Variants in UEVLD observed in about 807,000 individuals in gnomAD.
The protein encoded by UEVLD is ubiquitin-conjugating enzyme E2 variant 3.
A neutral mutation model predicts 58.6 loss-of-function variants in UEVLD; 47 were observed. The ratio of observed to expected loss-of-function variants is 0.80; its 90% CI spans 0.63 to 1.02. The LOEUF is 1.02. Ranked by LOEUF, UEVLD falls within the 50% of genes least tolerant of loss-of-function variation. The pLI, the probability that UEVLD is intolerant of heterozygous loss-of-function variation, is 0.00. For synonymous variants in UEVLD, 197 were observed against 195.3 expected, an observed-to-expected ratio of 1.01 and a Z score of -0.07; for missense variants, 510 against 550.6, an observed-to-expected ratio of 0.93 and a Z score of 0.74.
chr11:18,579,454 G>A, intron 1 of UEVLD: 1 of 985,392 alleles, frequency 1.0e-6, no homozygotes, highest in Non-Finnish European at 1.2e-6. Context: ...TGATGAGGCA[G>A]AATGGATCAC....
chr11:18,552,312 A>C (rs921117790), intron 7 of UEVLD, among the ~76,000 whole-genome samples: 2 of 152,210 alleles, frequency 1.3e-5, no homozygotes, highest in Non-Finnish European at 2.9e-5. Context: ...TGGGAGGCCA[A>C]GGCAGGTGGA....
chr11:18,545,361 G>A (rs528195256), intron 8 of UEVLD, among the ~76,000 whole-genome samples: 16 of 151,542 alleles, frequency 1.1e-4, no homozygotes, highest in Non-Finnish European at 2.1e-4. Context: ...GTGAGCCACC[G>A]CGCCCAGCCC....
intron 8 of UEVLD, among the ~76,000 whole-genome samples, chr11:18,545,233 C>T (rs1045609928): frequency 8.6e-5 from 13 of 150,926 alleles, no homozygotes; most frequent in Admixed American, 6.6e-5. Flanking sequence ...CCACCATGCC[C>T]AGTTAATTTT....
At chr11:18,550,705 G>A (rs1174315709) in intron 7 of UEVLD, among the ~76,000 whole-genome samples, 1 of 152,122 alleles carries the variant, frequency 6.6e-6, no homozygotes, top group African/African-American at 2.4e-5. Flanking sequence ...TCACTCTCTT[G>A]TCATGAATAA....
chr11:18,565,128 T>C, intron 5 of UEVLD, 118 bp from the exon 6 acceptor site: 1 of 658,190 alleles, frequency 1.5e-6, no homozygotes, highest in Non-Finnish European at 2.5e-6. Context: ...TGCTAGTCCA[T>C]AATGGGCAAA....
At chr11:18,588,542 A>G (rs1853708860) in intron 1 of UEVLD, 71 bp downstream of exon 1, 3 of 1,564,718 alleles carry the variant, frequency 1.9e-6, no homozygotes, top group Non-Finnish European at 2.6e-6. Flanking sequence ...AACGGAGGCA[A>G]CCTGGCCAAA....
At chr11:18,581,667 G>A (rs1156568112) in intron 1 of UEVLD, among the ~76,000 whole-genome samples, 2 of 143,992 alleles carry the variant, frequency 1.4e-5, no homozygotes, top group African/African-American at 2.6e-5. Context: ...GACAGAGCGA[G>A]ACACTGTCTC....
chr11:18,561,468 G>A (rs542975461), intron 6 of UEVLD, among the ~76,000 whole-genome samples: 5 of 151,810 alleles, frequency 3.3e-5, no homozygotes, highest in South Asian at 4.2e-4. Flanking sequence ...ATGGTGGCAC[G>A]TACCTGTAAT....
At position 18,553,358 on chromosome 11, in the gene UEVLD, C is replaced by T. The variant is rs1233275304; in HGVS notation, c.715+4870G>A. On this transcript the variant is annotated intron_variant, in intron 7 of 11. Transcript: ENST00000396197. ...AAAAAAGAAAAGAAAAAAGAAAATA[C>T]AGTCACTCATATGATGGAATATTAT... Among the ~76,000 whole-genome samples, 7 of 150,924 alleles carry T rather than the reference C, an allele frequency of 4.6e-5. No homozygotes were observed. In the South Asian group the frequency reaches 6.3e-4, roughly 14 times the overall value.
intron 6 of UEVLD, 128 bp from the exon 7 acceptor site, chr11:18,558,458 G>C: frequency 2.1e-6 from 1 of 480,152 alleles, no homozygotes; most frequent in East Asian, 3.3e-5. Context: ...AGAAGAGTAA[G>C]TAACACAATA....
chr11:18,559,233 C>G (rs1679978402), intron 6 of UEVLD, among the ~76,000 whole-genome samples: 1 of 148,662 alleles, frequency 6.7e-6, no homozygotes, highest in South Asian at 2.1e-4. Context: ...GAGTCTTGCT[C>G]TGTCGCCCAG....
chr11:18,576,352 A>C (rs1292806132), intron 2 of UEVLD, among the ~76,000 whole-genome samples: 1 of 151,932 alleles, frequency 6.6e-6, no homozygotes, highest in African/African-American at 2.4e-5. Context: ...CAGAAGTTCA[A>C]GACCAGCTTG....
intron 1 of UEVLD, chr11:18,587,899 T>A (rs1379034811): frequency 6.6e-6 from 1 of 152,176 alleles, no homozygotes; most frequent in East Asian, 1.9e-4. Flanking sequence ...CCTCAGATTG[T>A]ACACCGGAAA....
chr11:18,534,069 C>T (rs879934962), intron 11 of UEVLD, among the ~76,000 whole-genome samples: 13 of 152,202 alleles, frequency 8.5e-5, no homozygotes, highest in Non-Finnish European at 1.5e-4. Context: ...CCACCTCAGC[C>T]TACTGAGTGG....
intron 1 of UEVLD, among the ~76,000 whole-genome samples, chr11:18,584,377 T>G (rs1035184771): frequency 1.3e-5 from 2 of 152,112 alleles, no homozygotes; most frequent in African/African-American, 4.8e-5. Flanking sequence ...AGCAAGGCTC[T>G]GTCTCTTTAA....
chr11:18,568,105 A>G (rs1172347989), intron 4 of UEVLD, among the ~76,000 whole-genome samples: 2 of 152,234 alleles, frequency 1.3e-5, no homozygotes, highest in Non-Finnish European at 2.9e-5. Flanking sequence ...TGATTGTGCT[A>G]CTGCACTCCA....
chr11:18,546,170 A>C (rs1414566535), intron 8 of UEVLD, among the ~76,000 whole-genome samples: 4 of 152,208 alleles, frequency 2.6e-5, no homozygotes, highest in Non-Finnish European at 5.9e-5. Context: ...GTTCCAAAAC[A>C]ACCTGCAAAA....
chr11:18,566,393 C>T lies in UEVLD; in HGVS notation c.447G>A (p.Glu149=), dbSNP rs750765928. 1 of 1,614,096 alleles carries T rather than the reference C, an allele frequency of 6.2e-7. No homozygotes were observed. The highest frequency in any genetic ancestry group is 1.1e-5 in the South Asian group (1 of 91,074). ...LPMYSLSSSD[E]ARQVDLLAYI... ...AGGCTAGCAAGTCTACCTGCCGTGC[C>T]TCATCAGATGATGATAGAGAATACA... The change falls in exon 5 of 12, where the codon GAG becomes GAA. Residue 149 remains glutamate, a synonymous_variant. Transcript: ENST00000396197.
chr11:18,554,436 GC>G (rs1185512647), intron 7 of UEVLD, among the ~76,000 whole-genome samples: 2 of 102,434 alleles, frequency 2.0e-5, no homozygotes, highest in East Asian at 5.8e-4. Context: ...TACTCTTGTT[GC>G]CCAGGCTGGA....
Sources: allele counts gnomAD v4.1 joint callset (sites outside exome capture counted in the v4.1 genomes callset), GRCh38; gene constraint gnomAD v4.1.1; transcripts MANE v1.5; gene names NCBI Gene and HGNC (gene_info 2026-07-23, HGNC 2026-07-21).